EYA1: variants seen among roughly 807,000 people sequenced by gnomAD.
EYA1 encodes the protein EYA transcriptional coactivator and phosphatase 1, also known as protein phosphatase EYA1.
In EYA1, 16 loss-of-function variants were observed where a neutral mutation model predicts 82.0. That is an observed-to-expected ratio of 0.20 (90% CI 0.13 to 0.30). The LOEUF is 0.30. Among genes scored for constraint, EYA1 ranks in the 10% least tolerant of loss-of-function variants. The probability of loss-of-function intolerance (pLI) is 1.00; values close to 1 mark genes in which losing one functional copy is unlikely to be tolerated. For missense variants in EYA1, 633 were observed against 730.7 expected, an observed-to-expected ratio of 0.87 and a Z score of 1.54; for synonymous variants, 261 against 264.4, an observed-to-expected ratio of 0.99 and a Z score of 0.12.
rs933828523 is a variant in EYA1 at position 71,211,059 on chromosome 8, T to A, written c.1698+97A>T. The A allele has an allele frequency of 2.8e-4, 226 of 815,094 alleles. No individual in the cohort carries two copies. In the Admixed American group the frequency reaches 3.8e-3, roughly 14 times the overall value. 50.5% of individuals were successfully genotyped at this position (815,094 alleles called of 1,614,324 possible). A position where few individuals can be genotyped will look rare whatever the true frequency, so the allele number is the denominator to read the frequency against. ...TAGAGTACTGCACATATTCATCACG[T>A]TTCACATAAATGGAACCTGTTTAAA... On this transcript the variant is annotated intron_variant, in intron 17 of 17. Transcript: ENST00000340726.
intron 9 of EYA1, among the ~76,000 whole-genome samples, chr8:71,282,385 G>A (rs1197777108): frequency 6.6e-6 from 1 of 152,222 alleles, no homozygotes; most frequent in African/African-American, 2.4e-5. Context: ...AATCCCTGCT[G>A]CTTAAACTTC....
intron 7 of EYA1, among the ~76,000 whole-genome samples, chr8:71,310,940 A>C (rs1284740047): frequency 6.6e-6 from 1 of 152,138 alleles, no homozygotes; most frequent in Non-Finnish European, 1.5e-5. Context: ...GAACTAAGCT[A>C]TTATGGAAAG....
At chr8:71,289,277 C>A (rs753319248) in intron 9 of EYA1, among the ~76,000 whole-genome samples, 13 of 152,154 alleles carry the variant, frequency 8.5e-5, no homozygotes, top group Non-Finnish European at 1.8e-4. Context: ...GAGCAATCAG[C>A]TGTTGGATTA....
At chr8:71,365,332 C>CACATTTCAAA (rs1827691798), upstream of EYA1, among the ~76,000 whole-genome samples, 1 of 151,922 alleles carries the variant, frequency 6.6e-6, no homozygotes, top group Admixed American at 6.6e-5. Flanking sequence ...TTTGAAATAA[C>CACATTTCAAA]GTTAGAAGCA....
At chr8:71,497,969 A>G (rs1811539471) in intron 2 of EYA1, among the ~76,000 whole-genome samples, 1 of 152,200 alleles carries the variant, frequency 6.6e-6, no homozygotes, top group African/African-American at 2.4e-5. Flanking sequence ...TAAATAGTCC[A>G]GATCACTCAT....
At chr8:71,396,400 A>G in intron 2 of EYA1, among the ~76,000 whole-genome samples, 1 of 152,070 alleles carries the variant, frequency 6.6e-6, no homozygotes, top group African/African-American at 2.4e-5. Context: ...TCAATTTTAG[A>G]TCTTTCCTGC....
intron 9 of EYA1, among the ~76,000 whole-genome samples, chr8:71,298,476 T>C (rs1057045839): frequency 6.6e-5 from 10 of 152,146 alleles, no homozygotes; most frequent in African/African-American, 1.7e-4. Context: ...AGACATCATG[T>C]AGGAAGATTT....
intron 11 of EYA1, among the ~76,000 whole-genome samples, chr8:71,264,628 A>T (rs1815552369): frequency 6.6e-6 from 1 of 151,352 alleles, no homozygotes; most frequent in African/African-American, 2.4e-5. Flanking sequence ...CCCAGGCTGG[A>T]ATGCAGTAGT....
chr8:71,400,899 A>G (rs1338010220), intron 2 of EYA1, among the ~76,000 whole-genome samples: 1 of 152,192 alleles, frequency 6.6e-6, no homozygotes, highest in Non-Finnish European at 1.5e-5. Flanking sequence ...ATGCCCATCA[A>G]TGATAGAATG....
chr8:71,302,247 T>C (rs941123598), intron 7 of EYA1, among the ~76,000 whole-genome samples: 2 of 152,040 alleles, frequency 1.3e-5, no homozygotes, highest in Non-Finnish European at 2.9e-5. Context: ...ACCTCAATAA[T>C]CCCTATCCAC....
chr8:71,225,462 T>C (rs953440445), intron 12 of EYA1, among the ~76,000 whole-genome samples: 8 of 152,310 alleles, frequency 5.3e-5, no homozygotes, highest in African/African-American at 1.9e-4. Context: ...ATGGTGCAGA[T>C]ACCTGTGGCT....
At chr8:71,327,853 CTTTTTTT>C (rs71555578) in intron 4 of EYA1, among the ~76,000 whole-genome samples, 1 of 110,202 alleles carries the variant, frequency 9.1e-6, no homozygotes, top group Admixed American at 1.0e-4. Flanking sequence ...TCTTTAAGTT[CTTTTTTT>C]TTTTTTTTTT....
intron 2 of EYA1, among the ~76,000 whole-genome samples, chr8:71,484,696 C>G (rs34650318): frequency 0.13 from 20,500 of 152,230 alleles, 1,688 homozygotes; most frequent in Non-Finnish European, 0.18. Flanking sequence ...TTGAGGTGTG[C>G]TGGGAAATCC....
chr8:71,400,663 T>C (rs1297899618), intron 2 of EYA1, among the ~76,000 whole-genome samples: 1 of 152,150 alleles, frequency 6.6e-6, no homozygotes, highest in African/African-American at 2.4e-5. Flanking sequence ...TGTGGAGCAA[T>C]AGGAATGCTT....
At chr8:71,324,154 G>T (rs1039842389) in intron 4 of EYA1, among the ~76,000 whole-genome samples, 1 of 152,158 alleles carries the variant, frequency 6.6e-6, no homozygotes, top group African/African-American at 2.4e-5. Flanking sequence ...AACTCAATAG[G>T]TTGTACCCAA....
intron 17 of EYA1, among the ~76,000 whole-genome samples, chr8:71,210,536 C>G (rs1441019669): frequency 5.3e-5 from 8 of 152,148 alleles, no homozygotes; most frequent in Admixed American, 4.6e-4. Context: ...AATGAGAAAG[C>G]TTTTGCTCAG....
intron 12 of EYA1, among the ~76,000 whole-genome samples, chr8:71,217,290 A>G (rs1809335380): frequency 6.6e-6 from 1 of 152,200 alleles, no homozygotes; most frequent in South Asian, 2.1e-4. Context: ...GTGATTGAAA[A>G]CAATTAGCAT....
Position 71,263,686 on chromosome 8 carries a change from T to C in EYA1, c.1050+6054A>G, listed in dbSNP as rs750166820. On this transcript the variant is annotated intron_variant, in intron 11 of 17. Coordinates refer to ENST00000340726, the MANE Select transcript of EYA1 (RefSeq NM_000503.6). The stretch of plus-strand genomic sequence containing the variant: ...TACAGCAGAGGCAGGCAGACAGCCT[T>C]TCTCTCTAAAGGGACAGGGAGTATT... 5.3e-4 allele frequency among the ~76,000 whole-genome samples: 81 copies of C among 152,292 alleles called. 1 individual carries two copies. The highest frequency in any genetic ancestry group is 9.8e-4 in the Admixed American group (15 of 15,298).
intron 2 of EYA1, among the ~76,000 whole-genome samples, chr8:71,399,825 G>A (rs556192768): frequency 4.6e-5 from 7 of 152,282 alleles, no homozygotes; most frequent in African/African-American, 1.7e-4. Context: ...AGCCACAAAA[G>A]AGCCTGTATA....
Sources: allele counts gnomAD v4.1 joint callset (sites outside exome capture counted in the v4.1 genomes callset), GRCh38; gene constraint gnomAD v4.1.1; transcripts MANE v1.5; gene names NCBI Gene and HGNC (gene_info 2026-07-23, HGNC 2026-07-21).